The following PDLIM1 variants were observed in gnomAD, a reference collection of about 807,000 sequenced individuals.
The protein encoded by PDLIM1 is PDZ and LIM domain 1.
A neutral mutation model predicts 35.2 loss-of-function variants in PDLIM1; 25 were observed. The observed-to-expected ratio is 0.71, with a 90% CI of 0.52 to 0.99. PDLIM1 has a LOEUF of 0.99. Ranked by LOEUF, PDLIM1 falls within the 50% of genes least tolerant of loss-of-function variation. The pLI, the probability that PDLIM1 is intolerant of heterozygous loss-of-function variation, is 0.00. For synonymous variants in PDLIM1, 152 were observed against 154.0 expected (o/e 0.99, Z 0.10); for missense variants, 363 against 415.3 (o/e 0.87, Z 1.09).
At chr10:95,249,311 C>T (rs1417396680) in intron 4 of PDLIM1, among the ~76,000 whole-genome samples, 1 of 152,266 alleles carries the variant, frequency 6.6e-6, no homozygotes, top group African/African-American at 2.4e-5. Context: ...AGATCACCAC[C>T]TTCCTCTCAG....
In PDLIM1 at chr10:95,290,781, A is replaced by G; in HGVS notation, c.96+39T>C. 6.9e-7 allele frequency: 1 copy of G among 1,443,532 alleles called. No individual in the cohort carries two copies. Among genetic ancestry groups the G allele is most frequent in the African/African-American group, 1.5e-5 (1 of 68,178 alleles). 89.4% of individuals were successfully genotyped at this position (1,443,532 alleles called of 1,614,324 possible). On this transcript the variant is annotated intron_variant, in intron 1 of 6. Transcript: ENST00000329399. This position sits in a 1 kb window ranked among gnomAD's most constrained non-coding sequence, Gnocchi z 4.7. ...CCCCAGTCTCCGCATATCACCTCCC[A>G]TAGCGCCCCGCTTCCACGCACGTCC...
At chr10:95,286,503 A>G (rs2035603249) in intron 1 of PDLIM1, among the ~76,000 whole-genome samples, 1 of 152,176 alleles carries the variant, frequency 6.6e-6, no homozygotes, top group Non-Finnish European at 1.5e-5. Context: ...TGATTTTCCC[A>G]GGATCACCCA....
chr10:95,285,099 C>T (rs866754734), intron 1 of PDLIM1, among the ~76,000 whole-genome samples: 2 of 152,254 alleles, frequency 1.3e-5, no homozygotes, highest in East Asian at 3.8e-4. Context: ...CTATCCCCCA[C>T]AAGCAGGTCT....
chr10:95,237,953 T>C lies in PDLIM1; in HGVS notation c.962A>G (p.Tyr321Cys). Residue 321 changes from tyrosine to cysteine, a missense_variant, in exon 7 of 7, where the codon TAT (tyrosine) becomes TGT (cysteine). Coordinates refer to ENST00000329399, the MANE Select transcript of PDLIM1 (RefSeq NM_020992.4). ...CTTGGGGAACACAGTGACCACTTCA[T>C]AACCCTCAGGTGGTGTGACTCGCTC... ...ARERVTPPEG[Y>C]EVVTVFPK is the part of the protein sequence containing the mutation. 1.2e-6 allele frequency: 2 copies of C among 1,614,184 alleles called. No homozygotes were observed. Among genetic ancestry groups the C allele is most frequent in the Non-Finnish European group, 1.7e-6 (2 of 1,180,010 alleles).
chr10:95,246,044 G>C (rs1403767979), intron 5 of PDLIM1, among the ~76,000 whole-genome samples: 2 of 152,160 alleles, frequency 1.3e-5, no homozygotes, highest in Non-Finnish European at 2.9e-5. Context: ...AGCATCCACT[G>C]TCTCTTTGCA....
chr10:95,284,604 T>C (rs983456689), intron 1 of PDLIM1, among the ~76,000 whole-genome samples: 1 of 152,242 alleles, frequency 6.6e-6, no homozygotes, highest in African/African-American at 2.4e-5. Flanking sequence ...TTCACCCACC[T>C]TGGCCTCCCA....
At chr10:95,256,521 G>A (rs1362877506) in intron 4 of PDLIM1, among the ~76,000 whole-genome samples, 1 of 152,064 alleles carries the variant, frequency 6.6e-6, no homozygotes, top group Non-Finnish European at 1.5e-5. Context: ...ATAGAATAGA[G>A]AGCCCACAAA....
chr10:95,272,336 T>C (rs566945033), intron 1 of PDLIM1, among the ~76,000 whole-genome samples: 5 of 152,362 alleles, frequency 3.3e-5, no homozygotes, highest in Admixed American at 1.3e-4. Flanking sequence ...TTCACAGTTA[T>C]ACAGTTTTGC....
At chr10:95,255,049 TA>T (rs1371338186) in intron 4 of PDLIM1, among the ~76,000 whole-genome samples, 1 of 151,868 alleles carries the variant, frequency 6.6e-6, no homozygotes, top group Non-Finnish European at 1.5e-5. Context: ...AAGAAATAGA[TA>T]AATTCCCAAA....
At chr10:95,276,683 G>A (rs558697165) in intron 1 of PDLIM1, among the ~76,000 whole-genome samples, 3 of 152,130 alleles carry the variant, frequency 2.0e-5, no homozygotes, top group Non-Finnish European at 4.4e-5. Context: ...GATGCTACCA[G>A]ACAGGCAATG....
chr10:95,280,669 G>A, intron 1 of PDLIM1, among the ~76,000 whole-genome samples: 1 of 152,190 alleles, frequency 6.6e-6, no homozygotes, highest in Non-Finnish European at 1.5e-5. Flanking sequence ...ATGGTTCTCA[G>A]GCAGAGGTTT....
chr10:95,280,081 A>G (rs1472393584), intron 1 of PDLIM1, among the ~76,000 whole-genome samples: 1 of 152,220 alleles, frequency 6.6e-6, no homozygotes, highest in East Asian at 1.9e-4. Flanking sequence ...TCTTTTTAAA[A>G]AAACAAATTT....
At chr10:95,252,017 C>T (rs904858545) in intron 4 of PDLIM1, among the ~76,000 whole-genome samples, 3 of 152,150 alleles carry the variant, frequency 2.0e-5, no homozygotes, top group African/African-American at 7.2e-5. Context: ...GGCAGCCCAG[C>T]AAAACACAAC....
At chr10:95,247,686 G>A (rs1156624117) in intron 4 of PDLIM1, 2 of 199,526 alleles carry the variant, frequency 1.0e-5, no homozygotes, top group Non-Finnish European at 2.0e-5. Flanking sequence ...TATGTCCAGA[G>A]AAAATTTAGA....
intron 1 of PDLIM1, among the ~76,000 whole-genome samples, chr10:95,280,997 C>G (rs1408514238): frequency 6.6e-6 from 1 of 152,164 alleles, no homozygotes; most frequent in Non-Finnish European, 1.5e-5. Context: ...TACAGTGAAA[C>G]CCAAGAACCC....
intron 4 of PDLIM1, among the ~76,000 whole-genome samples, chr10:95,253,016 TA>T (rs1267212145): frequency 1.3e-5 from 2 of 151,886 alleles, no homozygotes; most frequent in Non-Finnish European, 2.9e-5. Flanking sequence ...GCAAAAGACA[TA>T]AAGAAGTGAA....
intron 4 of PDLIM1, among the ~76,000 whole-genome samples, chr10:95,256,685 A>C (rs570481051): frequency 6.6e-6 from 1 of 152,170 alleles, no homozygotes; most frequent in Non-Finnish European, 1.5e-5. Context: ...ATAAAAAAAT[A>C]ATTTGGCTGG....
intron 1 of PDLIM1, among the ~76,000 whole-genome samples, chr10:95,283,993 G>A (rs1038096192): frequency 1.3e-5 from 2 of 151,738 alleles, no homozygotes; most frequent in Non-Finnish European, 2.9e-5. Flanking sequence ...GTGTGTGTGT[G>A]TGTGTGTGTG....
chr10:95,264,613 G>A (rs1035068160), intron 3 of PDLIM1, among the ~76,000 whole-genome samples: 8 of 152,338 alleles, frequency 5.3e-5, no homozygotes, highest in South Asian at 2.1e-4. Context: ...CAGAGCAAGG[G>A]TAAAGGAAAT....
Sources: allele counts gnomAD v4.1 joint callset (sites outside exome capture counted in the v4.1 genomes callset), GRCh38; gene constraint gnomAD v4.1.1; non-coding constraint Gnocchi (gnomAD v3.1); transcripts MANE v1.5; gene names NCBI Gene and HGNC (gene_info 2026-07-23, HGNC 2026-07-21).